The following BASP1 variants were observed in gnomAD, a reference collection of about 807,000 sequenced individuals.
BASP1 encodes brain acid soluble protein 1.
A neutral mutation model predicts 2.2 loss-of-function variants in BASP1; 1 was observed. The ratio of observed to expected loss-of-function variants is 0.46; its 90% CI spans 0.16 to 2.17. The LOEUF (loss-of-function observed/expected upper bound fraction) is 2.17, where lower values mean the gene tolerates loss of function less well. Ranked by LOEUF, BASP1 falls within the 30% of genes most tolerant of loss-of-function variation. The pLI is 0.27. For missense variants in BASP1, 352 were observed against 327.2 expected, an observed-to-expected ratio of 1.08 and a Z score of -0.58; for synonymous variants, 187 against 154.2, an observed-to-expected ratio of 1.21 and a Z score of -1.58.
At chr5:17,247,497 G>A (rs151096809) in intron 1 of BASP1, among the ~76,000 whole-genome samples, 180 of 152,298 alleles carry the variant, frequency 1.2e-3, no homozygotes, top group African/African-American at 4.0e-3. Flanking sequence ...GGAAGAAATC[G>A]GTTGAATACC....
intron 1 of BASP1, among the ~76,000 whole-genome samples, chr5:17,224,054 G>A (rs1319285881): frequency 4.6e-5 from 7 of 152,142 alleles, no homozygotes; most frequent in Non-Finnish European, 1.5e-5. Context: ...CAGGAACTCT[G>A]AACAACAAAA....
intron 1 of BASP1, among the ~76,000 whole-genome samples, chr5:17,253,846 A>T (rs948442676): frequency 1.3e-5 from 2 of 151,988 alleles, no homozygotes; most frequent in Non-Finnish European, 2.9e-5. Flanking sequence ...TGTTTTACTC[A>T]CCAGTGATGA....
intron 1 of BASP1, among the ~76,000 whole-genome samples, chr5:17,242,145 A>G (rs544399927): frequency 3.5e-4 from 53 of 152,260 alleles, no homozygotes; most frequent in Non-Finnish European, 2.2e-4. Flanking sequence ...TTGATGCACC[A>G]TTAATAGTTT....
chr5:17,270,473 C>T lies in BASP1; in HGVS notation c.-9-4735C>T, dbSNP rs115398859. On this transcript the variant is annotated intron_variant, in intron 1 of 1. Transcript: ENST00000322611. ...ATCTTAAGTAGTAAAATATTCAGAG[C>T]GAAGAAGTAGAGATTTTACCTTTAC... 3.2e-3 allele frequency among the ~76,000 whole-genome samples: 484 copies of T among 152,224 alleles called. 5 individuals carry two copies. Among genetic ancestry groups the T allele is most frequent in the African/African-American group, 0.011 (451 of 41,536 alleles).
chr5:17,219,746 A>T (rs1455751123), intron 1 of BASP1, among the ~76,000 whole-genome samples: 1 of 152,124 alleles, frequency 6.6e-6, no homozygotes, highest in Non-Finnish European at 1.5e-5. Context: ...GAAAACGATT[A>T]CCTTGTCGGG....
At position 17,276,082 on chromosome 5, in the gene BASP1, T is replaced by TA. The variant is rs1193772188; in HGVS notation, c.*183dup. The TA allele has an allele frequency of 2.3e-6, 1 of 434,664 alleles. No homozygotes were observed. The highest frequency in any genetic ancestry group is 4.0e-5 in the East Asian group (1 of 25,208). 26.9% of individuals were successfully genotyped at this position (434,664 alleles called of 1,614,324 possible). A position where few individuals can be genotyped will look rare whatever the true frequency, so the allele number is the denominator to read the frequency against. ...ATGATATGTATTGCCCAAGGAAAAA[T>TA]ACAGGATGTTGTCCCATCAAGGGAG... On this transcript the variant is annotated 3_prime_UTR_variant, in exon 2 of 2. Transcript: ENST00000322611.
At chr5:17,265,919 G>A (rs545779994) in intron 1 of BASP1, among the ~76,000 whole-genome samples, 31 of 152,306 alleles carry the variant, frequency 2.0e-4, no homozygotes, top group African/African-American at 7.5e-4. Flanking sequence ...CTTGGTACCA[G>A]CAAAGGGATT....
At chr5:17,270,409 G>T (rs886788169) in intron 1 of BASP1, among the ~76,000 whole-genome samples, 1 of 152,160 alleles carries the variant, frequency 6.6e-6, no homozygotes, top group South Asian at 2.1e-4. Context: ...TGGCAGAATG[G>T]ACTGTTAATA....
chr5:17,269,560 G>C (rs1740490403), intron 1 of BASP1, among the ~76,000 whole-genome samples: 1 of 152,202 alleles, frequency 6.6e-6, no homozygotes, highest in African/African-American at 2.4e-5. Context: ...CCGAAAAGCA[G>C]AACTTTATCA....
At chr5:17,247,882 C>G (rs1043491134) in intron 1 of BASP1, among the ~76,000 whole-genome samples, 2 of 152,180 alleles carry the variant, frequency 1.3e-5, no homozygotes, top group African/African-American at 4.8e-5. Flanking sequence ...TGTGGTCTCT[C>G]TTCAGCAGTG....
intron 1 of BASP1, among the ~76,000 whole-genome samples, chr5:17,250,826 G>A (rs1272866397): frequency 6.6e-6 from 1 of 151,960 alleles, no homozygotes; most frequent in African/African-American, 2.4e-5. Context: ...GGATGGTCTC[G>A]ATCTACTGAC....
At chr5:17,222,372 A>G (rs2126486481) in intron 1 of BASP1, among the ~76,000 whole-genome samples, 1 of 152,300 alleles carries the variant, frequency 6.6e-6, no homozygotes, top group Middle Eastern at 3.4e-3. Flanking sequence ...GAGAAAATAC[A>G]AGGGTAGTCT....
At chr5:17,240,835 G>A (rs1312089738) in intron 1 of BASP1, 4 of 152,094 alleles carry the variant, frequency 2.6e-5, no homozygotes, top group Non-Finnish European at 5.9e-5. Flanking sequence ...CCAATCTAAG[G>A]TATTTTGTTA....
chr5:17,245,730 G>C (rs1320963362), intron 1 of BASP1, among the ~76,000 whole-genome samples: 2 of 151,694 alleles, frequency 1.3e-5, no homozygotes, highest in African/African-American at 4.8e-5. Flanking sequence ...GAGAAAAATT[G>C]CTGGAGTGGC....
At chr5:17,255,282 G>C (rs1184482105) in intron 1 of BASP1, among the ~76,000 whole-genome samples, 1 of 151,836 alleles carries the variant, frequency 6.6e-6, no homozygotes, top group African/African-American at 2.4e-5. Flanking sequence ...AGGACATGCT[G>C]TTCTAACAAA....
intron 1 of BASP1, among the ~76,000 whole-genome samples, chr5:17,254,652 A>G (rs902480138): frequency 3.9e-5 from 6 of 152,372 alleles, no homozygotes; most frequent in African/African-American, 1.4e-4. Flanking sequence ...ACATTTATTT[A>G]TCAGATTTTA....
At position 17,275,889 on chromosome 5, in the gene BASP1, G is replaced by C; in HGVS notation, c.673G>C (p.Val225Leu). The C allele has an allele frequency of 1.9e-6, 3 of 1,587,990 alleles. No homozygotes were observed. Among genetic ancestry groups the C allele is most frequent in the Non-Finnish European group, 1.7e-6 (2 of 1,169,458 alleles). Residue 225 changes from valine (V) to leucine (L), a missense_variant, in exon 2 of 2, where the codon GTG (valine) becomes CTG (leucine). Physicochemically the swap from Val to Leu is conservative, Grantham distance 32. Coordinates refer to ENST00000322611, the MANE Select transcript of BASP1 (RefSeq NM_006317.5). The surrounding 1 kb of genome is among the most constrained non-coding windows in gnomAD (Gnocchi z 5.3). ...AGCTAATTCCGACCAAACCGTAACC[G>C]TGAAAGAGTGACAAGGACAGCCTAT... ...PAANSDQTVT[V>L]KE is the part of the protein sequence containing the mutation.
chr5:17,225,841 A>G (rs974387444), intron 1 of BASP1, among the ~76,000 whole-genome samples: 5 of 152,236 alleles, frequency 3.3e-5, no homozygotes, highest in African/African-American at 1.2e-4. Flanking sequence ...TTTATTTAAA[A>G]TTACCATTTA....
intron 1 of BASP1, among the ~76,000 whole-genome samples, chr5:17,254,546 T>G (rs1021306584): frequency 7.2e-5 from 11 of 152,252 alleles, no homozygotes; most frequent in Admixed American, 4.6e-4. Flanking sequence ...GAAATAAGTC[T>G]GTGTGAATAA....
Sources: gnomAD v4.1 joint callset for allele counts (sites outside exome capture counted in the v4.1 genomes callset) on GRCh38, gnomAD v4.1.1 for gene constraint, Gnocchi (gnomAD v3.1) non-coding constraint, MANE v1.5 for transcripts, NCBI Gene and HGNC (gene_info 2026-07-23, HGNC 2026-07-21) for gene names.